Variants in ATP6V1A observed in about 807,000 individuals in gnomAD.
ATP6V1A encodes V-type proton ATPase catalytic subunit A.
ATP6V1A carries 18 observed loss-of-function variants against 70.1 expected under a neutral mutation model. The observed-to-expected ratio is 0.26, with a 90% CI of 0.18 to 0.38. The LOEUF is 0.38. ATP6V1A is among the 10% of genes least tolerant of loss of function. The pLI is 1.00. For missense variants in ATP6V1A, 424 were observed against 772.4 expected, an observed-to-expected ratio of 0.55 and a Z score of 5.35; for synonymous variants, 232 against 253.8, an observed-to-expected ratio of 0.91 and a Z score of 0.82.
chr3:113,798,569 A>G (rs1709177828), intron 12 of ATP6V1A, 123 bp downstream of exon 12: 22 of 828,712 alleles, frequency 2.7e-5, no homozygotes, highest in Non-Finnish European at 3.6e-5. Flanking sequence ...AAATATTTTT[A>G]ATTGAAATTT....
intron 1 of ATP6V1A, among the ~76,000 whole-genome samples, chr3:113,766,755 T>G (rs974731998): frequency 2.0e-5 from 3 of 152,234 alleles, no homozygotes; most frequent in African/African-American, 4.8e-5. Context: ...CACATGGCTT[T>G]CTTTTCTAAA....
intron 1 of ATP6V1A, among the ~76,000 whole-genome samples, chr3:113,760,881 A>G (rs1708696101): frequency 6.6e-6 from 1 of 151,898 alleles, no homozygotes; most frequent in East Asian, 2.0e-4. Context: ...ATCCTGGCCA[A>G]TATGGTGAAA....
intron 1 of ATP6V1A, among the ~76,000 whole-genome samples, chr3:113,759,287 G>GTTTT (rs34189516): frequency 3.0e-5 from 4 of 133,262 alleles, no homozygotes; most frequent in African/African-American, 1.1e-4. Flanking sequence ...ATAGTTACGG[G>GTTTT]TTTTTTTTTT....
chr3:113,768,079 C>T (rs1577083763), intron 1 of ATP6V1A, among the ~76,000 whole-genome samples: 1 of 152,310 alleles, frequency 6.6e-6, no homozygotes, highest in East Asian at 1.9e-4. Context: ...TTTATCTTCA[C>T]TATTTCTTTT....
chr3:113,779,107 A>C (rs1345691061), intron 2 of ATP6V1A: 1 of 243,984 alleles, frequency 4.1e-6, no homozygotes, highest in Non-Finnish European at 7.7e-6. Context: ...TCAGTTTTAT[A>C]TGTCTTAATT....
chr3:113,750,700 A>T (rs1426326053), intron 1 of ATP6V1A, among the ~76,000 whole-genome samples: 1 of 152,218 alleles, frequency 6.6e-6, no homozygotes, highest in Non-Finnish European at 1.5e-5. Flanking sequence ...TTAGATCATG[A>T]ATGTAAAATG....
chr3:113,771,717 A>G (rs2099225), intron 1 of ATP6V1A, among the ~76,000 whole-genome samples: 55,116 of 151,838 alleles, frequency 0.36, 10,064 homozygotes, highest in African/African-American at 0.41. Context: ...GATTACAGGC[A>G]TGACCCACCG....
chr3:113,791,929 C>T (rs1709096501), intron 8 of ATP6V1A, among the ~76,000 whole-genome samples: 1 of 149,550 alleles, frequency 6.7e-6, no homozygotes, highest in Admixed American at 6.7e-5. Context: ...TTTGCAGAAG[C>T]TTTATCTGAG....
chr3:113,797,017 C>A (rs920648038), intron 11 of ATP6V1A, among the ~76,000 whole-genome samples: 6 of 152,202 alleles, frequency 3.9e-5, no homozygotes, highest in Non-Finnish European at 5.9e-5. Context: ...CTCACTGCAA[C>A]CTCCACCTCC....
chr3:113,801,918 C>CAAAAAAA (rs1383140385), intron 12 of ATP6V1A, among the ~76,000 whole-genome samples: 1 of 73,892 alleles, frequency 1.4e-5, no homozygotes, highest in Non-Finnish European at 2.9e-5. Flanking sequence ...AAGGGATTTA[C>CAAAAAAA]AAAAAAAAAA....
chr3:113,803,755 T>C (rs1171377411), intron 13 of ATP6V1A, 78 bp downstream of exon 13: 8 of 1,097,622 alleles, frequency 7.3e-6, no homozygotes, highest in Non-Finnish European at 1.1e-5. Flanking sequence ...TTAAAAACCC[T>C]TTTTTATTCT....
intron 2 of ATP6V1A, 53 bp downstream of exon 2, chr3:113,778,888 C>A (rs1233401136): frequency 1.7e-6 from 2 of 1,197,668 alleles, no homozygotes; most frequent in Non-Finnish European, 2.3e-6. Context: ...TGATTAATGT[C>A]TTTTCAAAAT....
chr3:113,798,879 A>G (rs1443271241), intron 12 of ATP6V1A, among the ~76,000 whole-genome samples: 1 of 152,230 alleles, frequency 6.6e-6, no homozygotes, highest in Non-Finnish European at 1.5e-5. Flanking sequence ...ATTAAATGCC[A>G]GAATGAAAAG....
intron 12 of ATP6V1A, 72 bp from the exon 13 acceptor site, chr3:113,803,511 C>T (rs1211331127): frequency 2.7e-6 from 3 of 1,113,106 alleles, no homozygotes; most frequent in Non-Finnish European, 2.7e-6. Flanking sequence ...ATAGTTTCTG[C>T]TTGTTAATTA....
intron 8 of ATP6V1A, among the ~76,000 whole-genome samples, chr3:113,791,927 A>G (rs1709096481): frequency 6.6e-6 from 1 of 152,192 alleles, no homozygotes; most frequent in African/African-American, 2.4e-5. Context: ...AGTTTGCAGA[A>G]GCTTTATCTG....
chr3:113,764,588 A>G, intron 1 of ATP6V1A, among the ~76,000 whole-genome samples: 1 of 152,168 alleles, frequency 6.6e-6, no homozygotes, highest in Non-Finnish European at 1.5e-5. Flanking sequence ...TTTTCTATTT[A>G]TATTGTTGGC....
intron 11 of ATP6V1A, 23 bp downstream of exon 11, chr3:113,795,962 C>A: frequency 6.3e-7 from 1 of 1,584,218 alleles, no homozygotes; most frequent in South Asian, 1.2e-5. Flanking sequence ...CTAGTATAGT[C>A]AACTTCTGAG....
intron 1 of ATP6V1A, among the ~76,000 whole-genome samples, chr3:113,774,480 T>A (rs1198530116): frequency 2.0e-5 from 3 of 152,118 alleles, no homozygotes; most frequent in Non-Finnish European, 4.4e-5. Flanking sequence ...ACACAACTTA[T>A]AAATTCAAAG....
chr3:113,777,231 G>A (rs948573433), intron 1 of ATP6V1A, among the ~76,000 whole-genome samples: 12 of 152,038 alleles, frequency 7.9e-5, no homozygotes, highest in Non-Finnish European at 1.5e-4. Flanking sequence ...AAACAAAGAG[G>A]TTGAAATGAA....
Sources: allele counts gnomAD v4.1 joint callset (sites outside exome capture counted in the v4.1 genomes callset), GRCh38; gene constraint gnomAD v4.1.1; transcripts MANE v1.5; gene names NCBI Gene and HGNC (gene_info 2026-07-23, HGNC 2026-07-21).